DISC1: variants seen among roughly 807,000 people sequenced by gnomAD.
DISC1 encodes the protein DISC1 scaffold protein.
A neutral mutation model predicts 84.5 loss-of-function variants in DISC1; 57 were observed. The ratio of observed to expected loss-of-function variants is 0.67; its 90% CI spans 0.55 to 0.84. The LOEUF (loss-of-function observed/expected upper bound fraction) is 0.84, where lower values mean the gene tolerates loss of function less well. Among genes scored for constraint, DISC1 ranks in the 40% least tolerant of loss-of-function variants. The pLI is 0.00. For missense variants in DISC1, 1,000 were observed against 1,057.8 expected (o/e 0.95, Z 0.76); for synonymous variants, 411 against 415.2 (o/e 0.99, Z 0.12).
chr1:231,702,278 A>C (rs554836964), intron 3 of DISC1: 2 of 1,178,592 alleles, frequency 1.7e-6, no homozygotes, highest in South Asian at 4.8e-5. Context: ...TCACACAATA[A>C]AAATTATATT....
chr1:231,792,889 G>A (rs149421002), intron 6 of DISC1, among the ~76,000 whole-genome samples: 2 of 152,326 alleles, frequency 1.3e-5, no homozygotes, highest in Non-Finnish European at 2.9e-5. Flanking sequence ...ACGAATTTTT[G>A]TCAGATGGCA....
chr1:231,749,125 C>T (rs1199485439), intron 3 of DISC1, among the ~76,000 whole-genome samples: 3 of 152,170 alleles, frequency 2.0e-5, no homozygotes, highest in Non-Finnish European at 4.4e-5. Context: ...TTCGGGACTG[C>T]CATTCATCAC....
intron 9 of DISC1, among the ~76,000 whole-genome samples, chr1:231,935,879 G>A (rs201286292): frequency 2.6e-5 from 4 of 152,178 alleles, no homozygotes; most frequent in Non-Finnish European, 4.4e-5. Context: ...CTGGTTGAAC[G>A]TATGGAAGTT....
chr1:231,892,653 T>C (rs1192216315), intron 9 of DISC1, among the ~76,000 whole-genome samples: 1 of 149,268 alleles, frequency 6.7e-6, no homozygotes. Context: ...GGGAAATGAA[T>C]ATAAAAACAG....
chr1:231,788,009 G>A (rs974061287), intron 6 of DISC1, among the ~76,000 whole-genome samples: 8 of 152,210 alleles, frequency 5.3e-5, no homozygotes, highest in Admixed American at 2.0e-4. Flanking sequence ...TCAGCCGGGC[G>A]CAGTGGCTCA....
At chr1:231,756,354 A>T (rs2075111662) in intron 4 of DISC1, among the ~76,000 whole-genome samples, 1 of 152,218 alleles carries the variant, frequency 6.6e-6, no homozygotes, top group Non-Finnish European at 1.5e-5. Context: ...CTGACAGATG[A>T]TAAGCTCCTT....
chr1:231,948,449 C>T (rs1307246011), intron 9 of DISC1, among the ~76,000 whole-genome samples: 10 of 152,020 alleles, frequency 6.6e-5, no homozygotes, highest in Admixed American at 6.6e-4. Flanking sequence ...ACACCGGGGC[C>T]TGTCGGGTGG....
At chr1:231,892,896 T>C (rs1321941198) in intron 9 of DISC1, among the ~76,000 whole-genome samples, 5 of 152,172 alleles carry the variant, frequency 3.3e-5, no homozygotes, top group Non-Finnish European at 7.3e-5. Context: ...GTATAGTGGC[T>C]CATACCTGTA....
intron 1 of DISC1, among the ~76,000 whole-genome samples, chr1:231,638,626 C>A (rs2059381976): frequency 6.6e-6 from 1 of 152,116 alleles, no homozygotes; most frequent in South Asian, 2.1e-4. Flanking sequence ...ATGTTCTTGT[C>A]AATGTTGTCA....
intron 11 of DISC1, among the ~76,000 whole-genome samples, chr1:232,014,786 A>G (rs1385151635): frequency 6.6e-6 from 1 of 152,230 alleles, no homozygotes; most frequent in African/African-American, 2.4e-5. Context: ...GGAAACGTTA[A>G]GAGCACTTGC....
chr1:231,980,306 A>G (rs893597837), intron 10 of DISC1, among the ~76,000 whole-genome samples: 5 of 152,218 alleles, frequency 3.3e-5, no homozygotes, highest in African/African-American at 1.2e-4. Flanking sequence ...ACCATTATTT[A>G]CTTTCTTACT....
intron 4 of DISC1, among the ~76,000 whole-genome samples, chr1:231,761,557 A>C (rs1538977): frequency 7.9e-5 from 12 of 151,968 alleles, no homozygotes; most frequent in African/African-American, 2.9e-4. Flanking sequence ...TTTCTTATGG[A>C]TTAAGTAATG....
intron 1 of DISC1, among the ~76,000 whole-genome samples, chr1:231,650,734 C>T (rs1444876946): frequency 6.6e-6 from 1 of 152,198 alleles, no homozygotes; most frequent in African/African-American, 2.4e-5. Flanking sequence ...CACATAGTCT[C>T]ATATTTCTTG....
intron 10 of DISC1, among the ~76,000 whole-genome samples, chr1:231,991,325 C>T (rs12084556): frequency 0.048 from 7,299 of 152,258 alleles, 571 homozygotes; most frequent in African/African-American, 0.16. Context: ...GTCTGGCCAG[C>T]GCCTATTCTT....
intron 2 of DISC1, 108 bp from the exon 3 acceptor site, chr1:231,701,847 T>C: frequency 1.1e-6 from 1 of 919,364 alleles, no homozygotes; most frequent in Non-Finnish European, 1.6e-6. Context: ...AAAAAGAGAA[T>C]GAAGAAGTTC....
At chr1:231,686,174 A>G (rs2064249094) in intron 1 of DISC1, among the ~76,000 whole-genome samples, 1 of 152,182 alleles carries the variant, frequency 6.6e-6, no homozygotes, top group Admixed American at 6.5e-5. Context: ...TGGATCTACC[A>G]TCCTGGGGTC....
At chr1:231,759,426 C>A (rs1350511907) in intron 4 of DISC1, among the ~76,000 whole-genome samples, 7 of 145,500 alleles carry the variant, frequency 4.8e-5, no homozygotes, top group African/African-American at 1.8e-4. Flanking sequence ...TGGTGGCTCA[C>A]ACCTGTAATC....
chr1:232,013,623 T>C (rs1182351892), intron 11 of DISC1, among the ~76,000 whole-genome samples: 1 of 152,232 alleles, frequency 6.6e-6, no homozygotes, highest in Non-Finnish European at 1.5e-5. Context: ...TCAGATTTAA[T>C]GCAGAATAGT....
intron 9 of DISC1, among the ~76,000 whole-genome samples, chr1:231,859,369 A>G (rs2084490009): frequency 6.6e-6 from 1 of 152,194 alleles, no homozygotes; most frequent in Non-Finnish European, 1.5e-5. Flanking sequence ...TCCAGAATCG[A>G]GGCAGTGGTA....
Sources: gnomAD v4.1 joint callset for allele counts (sites outside exome capture counted in the v4.1 genomes callset) on GRCh38, gnomAD v4.1.1 for gene constraint, MANE v1.5 for transcripts, NCBI Gene and HGNC (gene_info 2026-07-23, HGNC 2026-07-21) for gene names.